The following DNAJC1 variants were observed in gnomAD, a reference collection of about 807,000 sequenced individuals.
The protein encoded by DNAJC1 is DnaJ heat shock protein family (Hsp40) member C1.
DNAJC1 carries 58 observed loss-of-function variants against 76.6 expected under a neutral mutation model. That is an observed-to-expected ratio of 0.76 (90% CI 0.61 to 0.94). The LOEUF (loss-of-function observed/expected upper bound fraction) is 0.94. Ranked by LOEUF, DNAJC1 falls within the 40% of genes least tolerant of loss-of-function variation. The pLI is 0.00. For missense variants in DNAJC1, 689 were observed against 677.3 expected, an observed-to-expected ratio of 1.02 and a Z score of -0.19; for synonymous variants, 258 against 267.9, an observed-to-expected ratio of 0.96 and a Z score of 0.36.
chr10:21,901,325 T>C (rs552616255), intron 7 of DNAJC1, among the ~76,000 whole-genome samples: 3 of 152,188 alleles, frequency 2.0e-5, no homozygotes, highest in Admixed American at 6.5e-5. Flanking sequence ...AATTTCTTTA[T>C]AAAGTAAGTC....
At chr10:21,831,902 T>C (rs538971872) in intron 8 of DNAJC1, among the ~76,000 whole-genome samples, 21 of 152,178 alleles carry the variant, frequency 1.4e-4, no homozygotes, top group South Asian at 1.0e-3. Flanking sequence ...GATTGATACA[T>C]TTACTCTTAT....
chr10:21,866,398 ATAT>A (rs1392666988), intron 8 of DNAJC1, among the ~76,000 whole-genome samples: 1 of 151,984 alleles, frequency 6.6e-6, no homozygotes, highest in African/African-American at 2.4e-5. Context: ...TCGATTAGTT[ATAT>A]TAATATTAAA....
chr10:21,822,754 T>C (rs769718948), intron 8 of DNAJC1, among the ~76,000 whole-genome samples: 38 of 152,078 alleles, frequency 2.5e-4, no homozygotes, highest in Non-Finnish European at 5.0e-4. Context: ...TGAAGTGGGA[T>C]ACCTCTGAAT....
intron 6 of DNAJC1, among the ~76,000 whole-genome samples, chr10:21,908,138 AAATATAT>A (rs1229588060): frequency 7.3e-5 from 8 of 109,846 alleles, no homozygotes; most frequent in East Asian, 6.6e-4. Flanking sequence ...TAATATATAA[AAATATAT>A]AATATATAAT....
At chr10:21,852,280 G>C (rs1835769313) in intron 8 of DNAJC1, among the ~76,000 whole-genome samples, 1 of 152,022 alleles carries the variant, frequency 6.6e-6, no homozygotes, top group African/African-American at 2.4e-5. Flanking sequence ...TAAATTCATA[G>C]AGACAAAATG....
At chr10:21,967,704 G>A (rs1837915438) in intron 1 of DNAJC1, among the ~76,000 whole-genome samples, 1 of 152,160 alleles carries the variant, frequency 6.6e-6, no homozygotes, top group African/African-American at 2.4e-5. Context: ...GAAATAAGCT[G>A]TGTAGAGCTG....
At chr10:21,804,490 T>C (rs1834858584) in intron 9 of DNAJC1, among the ~76,000 whole-genome samples, 1 of 152,014 alleles carries the variant, frequency 6.6e-6, no homozygotes, top group South Asian at 2.1e-4. Flanking sequence ...GGAATGTCTT[T>C]AATTTGGTCA....
intron 1 of DNAJC1, among the ~76,000 whole-genome samples, chr10:21,988,022 A>AT (rs1286999266): frequency 6.6e-6 from 1 of 152,112 alleles, no homozygotes; most frequent in Non-Finnish European, 1.5e-5. Context: ...ATTACTACTG[A>AT]TTTCACAGCA....
At chr10:21,925,015 TG>T (rs2131775573) in intron 3 of DNAJC1, among the ~76,000 whole-genome samples, 1 of 152,216 alleles carries the variant, frequency 6.6e-6, no homozygotes. Flanking sequence ...GTTTTAGAGA[TG>T]GGGTCTCACT....
At chr10:21,941,226 G>A (rs1285585976) in intron 1 of DNAJC1, among the ~76,000 whole-genome samples, 1 of 123,398 alleles carries the variant, frequency 8.1e-6, no homozygotes, top group Non-Finnish European at 1.6e-5. Flanking sequence ...CCGAGATCGC[G>A]CCACTACACT....
intron 9 of DNAJC1, among the ~76,000 whole-genome samples, chr10:21,778,160 C>T (rs1465689071): frequency 6.6e-6 from 1 of 152,050 alleles, no homozygotes; most frequent in Non-Finnish European, 1.5e-5. Flanking sequence ...CACCACTGCA[C>T]TCCAGCCTGG....
At position 21,878,113 on chromosome 10, in the gene DNAJC1, T is replaced by C. The variant is rs538297199; in HGVS notation, c.978+4169A>G. Among the ~76,000 whole-genome samples, 6 of 152,344 alleles carry C rather than the reference T, an allele frequency of 3.9e-5. No homozygotes were observed. The East Asian group carries it at 1.2e-3, about 29-fold the overall frequency. ...ATTTTTTCTTGTAATGTCATGACTT[T>C]CCTCTGGTTCTCGAGAACACTCCTA... is the stretch of plus-strand genomic sequence containing the variant. On this transcript the variant is annotated intron_variant, in intron 8 of 11. Transcript: ENST00000376980.
rs1835895571 is a variant in DNAJC1 at position 21,859,968 on chromosome 10, G to C, written c.978+22314C>G. 2.0e-5 allele frequency among the ~76,000 whole-genome samples: 3 copies of C among 151,924 alleles called. No individual in the cohort carries two copies. The South Asian group carries it at 6.2e-4, about 32-fold the overall frequency. ...CTGGCTAATTTTTGTATTTTTAGTA[G>C]AGATGGGGTTTCGCAATGTTGGCCA... On this transcript the variant is annotated intron_variant, in intron 8 of 11. Transcript: ENST00000376980.
chr10:21,958,387 C>T (rs561094660), intron 1 of DNAJC1, among the ~76,000 whole-genome samples: 1 of 151,418 alleles, frequency 6.6e-6, no homozygotes, highest in South Asian at 2.1e-4. Context: ...AGAATATTTC[C>T]ATCAACCCAA....
chr10:21,786,453 TATATATATATAGAG>T (rs1374712281), intron 9 of DNAJC1, among the ~76,000 whole-genome samples: 313 of 76,212 alleles, frequency 4.1e-3, no homozygotes, highest in Admixed American at 4.7e-3. Flanking sequence ...TATATATATA[TATATATATATAGAG>T]AGAGAGAGAG....
intron 3 of DNAJC1, among the ~76,000 whole-genome samples, chr10:21,925,337 G>A (rs1837110624): frequency 6.6e-6 from 1 of 152,070 alleles, no homozygotes; most frequent in African/African-American, 2.4e-5. Flanking sequence ...GTCCCCCATT[G>A]AGTCAAATGC....
intron 1 of DNAJC1, among the ~76,000 whole-genome samples, chr10:21,937,201 T>G (rs564200324): frequency 2.0e-4 from 30 of 152,204 alleles, no homozygotes; most frequent in Admixed American, 3.9e-4. Flanking sequence ...CAAGAGAGGA[T>G]TTACTGTACA....
intron 8 of DNAJC1, among the ~76,000 whole-genome samples, chr10:21,857,851 T>C (rs1835861879): frequency 6.6e-6 from 1 of 151,402 alleles, no homozygotes; most frequent in African/African-American, 2.4e-5. Context: ...CAAGGCTCCG[T>C]CTCAAAAAAA....
At chr10:21,859,506 C>A (rs1432950903) in intron 8 of DNAJC1, among the ~76,000 whole-genome samples, 1 of 152,060 alleles carries the variant, frequency 6.6e-6, no homozygotes, top group Admixed American at 6.6e-5. Flanking sequence ...GATATGAAAT[C>A]ATCAGTAAAA....
Sources: allele counts gnomAD v4.1 joint callset (sites outside exome capture counted in the v4.1 genomes callset), GRCh38; gene constraint gnomAD v4.1.1; transcripts MANE v1.5; gene names NCBI Gene and HGNC (gene_info 2026-07-23, HGNC 2026-07-21).